The following CAMTA1 variants were observed in gnomAD, a reference collection of about 807,000 sequenced individuals.
CAMTA1 encodes the protein calmodulin binding transcription activator 1, also known as calmodulin-binding transcription activator 1.
A neutral mutation model predicts 170.9 loss-of-function variants in CAMTA1; 27 were observed. The observed-to-expected ratio is 0.16, with a 90% CI of 0.12 to 0.22. The LOEUF (loss-of-function observed/expected upper bound fraction) is 0.22, where lower values mean the gene tolerates loss of function less well. CAMTA1 is among the 10% of genes least tolerant of loss of function. CAMTA1 has a pLI of 1.00. For synonymous variants in CAMTA1, 833 were observed against 891.5 expected (o/e 0.93, Z 1.17); for missense variants, 1,619 against 2,217.2 (o/e 0.73, Z 5.42).
chr1:7,031,784 G>A (rs1156629558), intron 3 of CAMTA1, among the ~76,000 whole-genome samples: 1 of 151,072 alleles, frequency 6.6e-6, no homozygotes, highest in African/African-American at 2.4e-5. Context: ...CTTGTGATCT[G>A]CCCACCTTGG....
intron 16 of CAMTA1, among the ~76,000 whole-genome samples, chr1:7,740,636 A>T (rs1272120658): frequency 6.6e-6 from 1 of 152,244 alleles, no homozygotes; most frequent in Non-Finnish European, 1.5e-5. Flanking sequence ...CCACATGTGG[A>T]ATCGGGCACT....
At chr1:7,480,150 CGTGTGG>C (rs1344423830) in intron 6 of CAMTA1, among the ~76,000 whole-genome samples, 1 of 140,178 alleles carries the variant, frequency 7.1e-6, no homozygotes, top group Non-Finnish European at 1.6e-5. Context: ...CGCCTGTGTC[CGTGTGG>C]GTGCATGTGT....
chr1:7,053,065 C>T (rs1304040148), intron 3 of CAMTA1, among the ~76,000 whole-genome samples: 1 of 152,194 alleles, frequency 6.6e-6, no homozygotes, highest in Non-Finnish European at 1.5e-5. Flanking sequence ...CACAGCCATG[C>T]AGGGGAGGAG....
intron 4 of CAMTA1, among the ~76,000 whole-genome samples, chr1:7,238,591 T>C (rs1664310359): frequency 6.6e-6 from 1 of 152,230 alleles, no homozygotes; most frequent in African/African-American, 2.4e-5. Flanking sequence ...CAGTTAATAT[T>C]TACTGAGCAG....
intron 3 of CAMTA1, among the ~76,000 whole-genome samples, chr1:6,943,564 C>T (rs1013311607): frequency 2.6e-5 from 4 of 152,024 alleles, no homozygotes; most frequent in African/African-American, 7.2e-5. Context: ...ATACACATAA[C>T]GGGGCCAGGC....
intron 4 of CAMTA1, among the ~76,000 whole-genome samples, chr1:7,219,129 C>T (rs1253330580): frequency 6.6e-6 from 1 of 152,084 alleles, no homozygotes; most frequent in African/African-American, 2.4e-5. Flanking sequence ...GAAGTGTCTC[C>T]CCTGTAAGCT....
At chr1:7,011,039 A>G (rs986917891) in intron 3 of CAMTA1, among the ~76,000 whole-genome samples, 1 of 152,164 alleles carries the variant, frequency 6.6e-6, no homozygotes, top group Non-Finnish European at 1.5e-5. Flanking sequence ...CGGTCCCGAC[A>G]GACGCCTACT....
chr1:7,553,213 A>G (rs36070668), intron 6 of CAMTA1, among the ~76,000 whole-genome samples: 7 of 148,290 alleles, frequency 4.7e-5, no homozygotes, highest in Non-Finnish European at 1.1e-4. Flanking sequence ...ATGAGTGAAT[A>G]AGTGAGTGAA....
intron 4 of CAMTA1, among the ~76,000 whole-genome samples, chr1:7,235,527 T>G (rs1663659910): frequency 6.6e-6 from 1 of 152,120 alleles, no homozygotes; most frequent in East Asian, 1.9e-4. Flanking sequence ...CTTGGGAGGG[T>G]GAGGCAGGAG....
At chr1:7,215,324 T>C (rs949616588) in intron 4 of CAMTA1, among the ~76,000 whole-genome samples, 3 of 152,228 alleles carry the variant, frequency 2.0e-5, no homozygotes, top group Admixed American at 6.5e-5. Context: ...ACTAAAATAA[T>C]GAAAAAGGCT....
chr1:7,147,721 GCA>G (rs1481809188), intron 4 of CAMTA1, among the ~76,000 whole-genome samples: 2 of 116,556 alleles, frequency 1.7e-5, no homozygotes, highest in Non-Finnish European at 3.6e-5. Context: ...CATATACCAT[GCA>G]CACACACACT....
Position 7,131,719 on chromosome 1 carries a change from T to C in CAMTA1, c.302+40348T>C, listed in dbSNP as rs114694187. Among the ~76,000 whole-genome samples, 1,332 of 152,260 alleles carry C rather than the reference T, an allele frequency of 8.7e-3. 15 individuals carry two copies. The highest frequency in any genetic ancestry group is 0.014 in the Non-Finnish European group (960 of 68,014). ...CTACTTATGCCAATATCATACTTTA[T>C]TAATATAGCTTTACAACATGTATTC... On this transcript the variant is annotated intron_variant, in intron 4 of 22. Coordinates refer to ENST00000303635, the MANE Select transcript of CAMTA1 (RefSeq NM_015215.4).
rs2090852968 is a variant in CAMTA1, at chr1:7,412,529, A to T, written c.439-55301A>T. ...GGCCAGTGATGGTGAGCATTGTTTC[A>T]TGTGTTTTTTGGCTGCATAAATATC... On this transcript the variant is annotated intron_variant, in intron 5 of 22. Transcript: ENST00000303635. Among the ~76,000 whole-genome samples the T allele has an allele frequency of 5.3e-5, 8 of 152,206 alleles. No individual in the cohort carries two copies. The South Asian group carries it at 1.7e-3, about 32-fold the overall frequency.
rs2092950044 is a variant in CAMTA1, at chr1:7,456,236, A to G, written c.439-11594A>G. 8.1e-6 allele frequency among the ~76,000 whole-genome samples: 1 copy of G among 122,984 alleles called. No homozygotes were observed. The highest frequency in any genetic ancestry group is 8.8e-5 in the Admixed American group (1 of 11,348). 80.7% of individuals were successfully genotyped at this position (122,984 alleles called of 152,430 possible). On this transcript the variant is annotated intron_variant, in intron 5 of 22. Coordinates refer to ENST00000303635, the MANE Select transcript of CAMTA1 (RefSeq NM_015215.4). The surrounding 1 kb of genome is among the most constrained non-coding windows in gnomAD (Gnocchi z 4.9). ...AGAATGGGAGAGAGGGAGGGAGAGA[A>G]GGAGGGAGGGAGGAAGGGAGGAAGG...
At chr1:6,969,814 A>T (rs1692216712) in intron 3 of CAMTA1, among the ~76,000 whole-genome samples, 1 of 152,190 alleles carries the variant, frequency 6.6e-6, no homozygotes, top group East Asian at 1.9e-4. Flanking sequence ...AAATTTATTT[A>T]TTATTATTAC....
At chr1:6,844,466 G>A (rs956574579) in intron 3 of CAMTA1, among the ~76,000 whole-genome samples, 3 of 143,578 alleles carry the variant, frequency 2.1e-5, no homozygotes, top group Admixed American at 7.4e-5. Context: ...GAGCCCAGGA[G>A]TTCAAGACCA....
chr1:7,630,698 G>T (rs997932550), intron 6 of CAMTA1, among the ~76,000 whole-genome samples: 3 of 152,244 alleles, frequency 2.0e-5, no homozygotes, highest in African/African-American at 4.8e-5. Flanking sequence ...GGAAGGTGCT[G>T]CAGGGCCCCC....
intron 6 of CAMTA1, among the ~76,000 whole-genome samples, chr1:7,533,200 G>A (rs1272769605): frequency 4.6e-5 from 7 of 152,174 alleles, no homozygotes; most frequent in African/African-American, 7.2e-5. Flanking sequence ...TGCACGTGCC[G>A]GATGGGTCCC....
intron 5 of CAMTA1, among the ~76,000 whole-genome samples, chr1:7,363,409 C>T (rs1194135225): frequency 6.6e-6 from 1 of 152,072 alleles, no homozygotes; most frequent in South Asian, 2.1e-4. Context: ...ACTCGTGTCT[C>T]GGAGGTTGTT....
Sources: allele counts gnomAD v4.1 joint callset (sites outside exome capture counted in the v4.1 genomes callset), GRCh38; gene constraint gnomAD v4.1.1; non-coding constraint Gnocchi (gnomAD v3.1); transcripts MANE v1.5; gene names NCBI Gene and HGNC (gene_info 2026-07-23, HGNC 2026-07-21).